Variants in KCNIP1 observed in about 807,000 individuals in gnomAD.
The protein encoded by KCNIP1 is potassium voltage-gated channel interacting protein 1.
In KCNIP1, 18 loss-of-function variants were observed where a neutral mutation model predicts 33.0. The ratio of observed to expected loss-of-function variants is 0.55; its 90% CI spans 0.38 to 0.81. The LOEUF (loss-of-function observed/expected upper bound fraction) is 0.81, where lower values mean the gene tolerates loss of function less well. Among genes scored for constraint, KCNIP1 ranks in the 30% least tolerant of loss-of-function variants. The pLI is 0.00. For missense variants in KCNIP1, 238 were observed against 271.6 expected, an observed-to-expected ratio of 0.88 and a Z score of 0.87; for synonymous variants, 93 against 98.3, an observed-to-expected ratio of 0.95 and a Z score of 0.32.
intron 1 of KCNIP1, among the ~76,000 whole-genome samples, chr5:170,692,983 T>C (rs1762770547): frequency 1.3e-5 from 2 of 152,210 alleles, no homozygotes; most frequent in East Asian, 3.9e-4. Flanking sequence ...TTTAGCGGAG[T>C]TTCTGGAGAA....
chr5:170,480,782 C>T (rs544129223), intron 1 of KCNIP1, among the ~76,000 whole-genome samples: 2 of 152,040 alleles, frequency 1.3e-5, no homozygotes, highest in Admixed American at 6.6e-5. Context: ...GCTGTCCTTA[C>T]GAGCACATTT....
intron 1 of KCNIP1, among the ~76,000 whole-genome samples, chr5:170,402,173 C>A (rs1017267690): frequency 2.0e-5 from 3 of 152,168 alleles, no homozygotes; most frequent in African/African-American, 4.8e-5. Context: ...CCCAGGTAAT[C>A]AAAGAAGAGC....
At chr5:170,381,891 G>C (rs3804245) in intron 1 of KCNIP1, among the ~76,000 whole-genome samples, 10,584 of 152,280 alleles carry the variant, frequency 0.07, 442 homozygotes, top group Middle Eastern at 0.15. Context: ...GCTGCCTCCA[G>C]TGGGCCCTGA....
intron 1 of KCNIP1, among the ~76,000 whole-genome samples, chr5:170,703,610 CA>C (rs5873234): frequency 0.31 from 41,585 of 132,224 alleles, 10,889 homozygotes; most frequent in East Asian, 0.66. Context: ...CCATCTCTAC[CA>C]AAAAAAAATT....
intron 1 of KCNIP1, among the ~76,000 whole-genome samples, chr5:170,550,367 A>C (rs1756562337): frequency 2.0e-5 from 3 of 152,234 alleles, no homozygotes; most frequent in African/African-American, 4.8e-5. Context: ...AATTCCTCCC[A>C]AAACAATCCC....
At chr5:170,375,789 A>C (rs1763974739) in intron 1 of KCNIP1, 2 of 152,254 alleles carry the variant, frequency 1.3e-5, no homozygotes, top group Admixed American at 1.3e-4. Flanking sequence ...ATATGTCACT[A>C]TCCTAGGAAA....
chr5:170,554,439 T>C (rs946343982), intron 1 of KCNIP1, among the ~76,000 whole-genome samples: 1 of 152,240 alleles, frequency 6.6e-6, no homozygotes, highest in Non-Finnish European at 1.5e-5. Flanking sequence ...TCAGCCATTC[T>C]GTAGGAGGAT....
chr5:170,622,247 T>C (rs145962815), intron 1 of KCNIP1, among the ~76,000 whole-genome samples: 30 of 152,268 alleles, frequency 2.0e-4, no homozygotes, highest in African/African-American at 7.2e-4. Context: ...TTTGCAAGTT[T>C]AATTCAGTTA....
chr5:170,672,049 C>A (rs1239699555), intron 1 of KCNIP1, among the ~76,000 whole-genome samples: 3 of 152,166 alleles, frequency 2.0e-5, no homozygotes. Context: ...AGGAGATATT[C>A]CCTAAGCTGC....
intron 1 of KCNIP1, among the ~76,000 whole-genome samples, chr5:170,466,792 G>A (rs949300250): frequency 6.6e-6 from 1 of 152,158 alleles, no homozygotes; most frequent in Non-Finnish European, 1.5e-5. Flanking sequence ...CCACCCTCAT[G>A]ACTTAATCAC....
At chr5:170,695,772 G>C (rs2113824821) in intron 1 of KCNIP1, among the ~76,000 whole-genome samples, 1 of 152,300 alleles carries the variant, frequency 6.6e-6, no homozygotes, top group African/African-American at 2.4e-5. Flanking sequence ...TGTAATCCCA[G>C]CACTTTGGGA....
chr5:170,385,555 G>A, intron 1 of KCNIP1: 2 of 1,231,346 alleles, frequency 1.6e-6, no homozygotes, highest in Non-Finnish European at 1.2e-6. Flanking sequence ...AGAGGGGAAG[G>A]TACTCAACTA....
chr5:170,486,434 G>A (rs1301579667), intron 1 of KCNIP1: 1 of 152,240 alleles, frequency 6.6e-6, no homozygotes, highest in East Asian at 1.9e-4. Context: ...GCACTCCGGT[G>A]CAAGGGTTGG....
chr5:170,659,827 T>C (rs1761406887), intron 1 of KCNIP1, among the ~76,000 whole-genome samples: 1 of 152,238 alleles, frequency 6.6e-6, no homozygotes, highest in South Asian at 2.1e-4. Context: ...TTTTTGGCAT[T>C]ATTTTTAATA....
At chr5:170,659,584 G>A (rs1335198158) in intron 1 of KCNIP1, among the ~76,000 whole-genome samples, 3 of 152,174 alleles carry the variant, frequency 2.0e-5, no homozygotes, top group Non-Finnish European at 2.9e-5. Flanking sequence ...TCTTTGTATA[G>A]AGAGGTCTTT....
chr5:170,662,394 C>T (rs1411826369), intron 1 of KCNIP1, among the ~76,000 whole-genome samples: 1 of 152,152 alleles, frequency 6.6e-6, no homozygotes, highest in Non-Finnish European at 1.5e-5. Flanking sequence ...CCTCTGTCTC[C>T]AGCCCTGAGT....
intron 1 of KCNIP1, among the ~76,000 whole-genome samples, chr5:170,545,784 C>T (rs1463223980): frequency 1.3e-5 from 2 of 152,084 alleles, no homozygotes; most frequent in Admixed American, 6.5e-5. Flanking sequence ...AACAGAATAA[C>T]CATAGTCAAA....
At chr5:170,418,587 C>T (rs1581173787) in intron 1 of KCNIP1, among the ~76,000 whole-genome samples, 2 of 152,186 alleles carry the variant, frequency 1.3e-5, no homozygotes, top group Admixed American at 1.3e-4. Context: ...CCTATCCAGT[C>T]CCCTACTCAA....
At chr5:170,697,989 C>T (rs998051473) in intron 1 of KCNIP1, among the ~76,000 whole-genome samples, 1 of 152,104 alleles carries the variant, frequency 6.6e-6, no homozygotes, top group African/African-American at 2.4e-5. Context: ...TTTCTCCAAG[C>T]AGAAGGTCTT....
Sources: gnomAD v4.1 joint callset for allele counts (sites outside exome capture counted in the v4.1 genomes callset) on GRCh38, gnomAD v4.1.1 for gene constraint, MANE v1.5 for transcripts, NCBI Gene and HGNC (gene_info 2026-07-23, HGNC 2026-07-21) for gene names.